ACACA: variants seen among roughly 807,000 people sequenced by gnomAD.
ACACA encodes the protein acetyl-CoA carboxylase alpha.
A neutral mutation model predicts 296.1 loss-of-function variants in ACACA; 103 were observed. The observed-to-expected ratio is 0.35, with a 90% confidence interval of 0.30 to 0.41. ACACA has a LOEUF of 0.41. ACACA is among the 10% of genes least tolerant of loss of function. The probability of loss-of-function intolerance (pLI) is 1.00; values close to 1 mark genes in which losing one functional copy is unlikely to be tolerated. For missense variants in ACACA, 1,554 were observed against 2,989.7 expected, an observed-to-expected ratio of 0.52 and a Z score of 11.20; for synonymous variants, 953 against 1,038.6, an observed-to-expected ratio of 0.92 and a Z score of 1.58.
chr17:37,181,411 C>G (rs1598090175), intron 39 of ACACA, 55 bp from the exon 40 acceptor site: 4 of 1,602,602 alleles, frequency 2.5e-6, no homozygotes, highest in Non-Finnish European at 3.4e-6. Context: ...AATCAGAGAG[C>G]TGCCTAGAGG....
At chr17:37,110,153 G>C (rs548471626) in intron 52 of ACACA, among the ~76,000 whole-genome samples, 2 of 152,234 alleles carry the variant, frequency 1.3e-5, no homozygotes, top group African/African-American at 4.8e-5. Flanking sequence ...CTGCAATTGC[G>C]GCATTGCTGC....
intron 52 of ACACA, among the ~76,000 whole-genome samples, chr17:37,104,022 C>T (rs191622282): frequency 6.6e-6 from 1 of 152,244 alleles, no homozygotes; most frequent in East Asian, 1.9e-4. Flanking sequence ...CAGCCTAGGT[C>T]AGGAGTGTCC....
intron 41 of ACACA, among the ~76,000 whole-genome samples, chr17:37,169,085 C>T (rs763308505): frequency 3.3e-5 from 5 of 152,158 alleles, no homozygotes; most frequent in Non-Finnish European, 7.4e-5. Flanking sequence ...GGTACTCATT[C>T]ACCCACTCCC....
intron 1 of ACACA, among the ~76,000 whole-genome samples, chr17:37,362,208 G>A (rs1369135425): frequency 6.6e-6 from 1 of 152,190 alleles, no homozygotes; most frequent in African/African-American, 2.4e-5. Context: ...ATGCATTTCT[G>A]TTGTTTAAGC....
At chr17:37,228,615 G>T (rs2079667698) in intron 25 of ACACA, among the ~76,000 whole-genome samples, 1 of 152,124 alleles carries the variant, frequency 6.6e-6, no homozygotes, top group African/African-American at 2.4e-5. Context: ...GGAAAGAATT[G>T]ACAGATAACA....
chr17:37,332,854 G>A (rs924956830), intron 2 of ACACA, among the ~76,000 whole-genome samples: 4 of 150,736 alleles, frequency 2.7e-5, no homozygotes, highest in African/African-American at 9.8e-5. Context: ...AGGTTGCAGT[G>A]AGCTGAGATC....
intron 2 of ACACA, 105 bp from the exon 3 acceptor site, chr17:37,330,530 A>G: frequency 6.9e-7 from 1 of 1,459,818 alleles, no homozygotes; most frequent in East Asian, 2.3e-5. Flanking sequence ...ACGTGGAAGC[A>G]AGGCAATTTG....
chr17:37,133,603 G>T (rs2075201753), intron 45 of ACACA, among the ~76,000 whole-genome samples: 1 of 152,116 alleles, frequency 6.6e-6, no homozygotes, highest in South Asian at 2.1e-4. Context: ...AGAAAAACCT[G>T]GGGTCAACAA....
chr17:37,377,698 T>C (rs188241893), intron 1 of ACACA, among the ~76,000 whole-genome samples: 84 of 139,454 alleles, frequency 6.0e-4, no homozygotes, highest in African/African-American at 2.2e-3. Flanking sequence ...AATAAATAAA[T>C]AAATAAAAGT....
intron 3 of ACACA, among the ~76,000 whole-genome samples, chr17:37,290,490 T>G (rs982679636): frequency 5.9e-5 from 9 of 152,176 alleles, no homozygotes; most frequent in African/African-American, 2.2e-4. Flanking sequence ...CTCGCAATAA[T>G]GCTATGATGT....
intron 11 of ACACA, among the ~76,000 whole-genome samples, chr17:37,262,576 T>C (rs533626928): frequency 9.9e-5 from 15 of 152,204 alleles, no homozygotes; most frequent in Admixed American, 2.0e-4. Flanking sequence ...AAATAACACA[T>C]AAATAAATAA....
intron 25 of ACACA, among the ~76,000 whole-genome samples, chr17:37,231,977 A>G (rs187528440): frequency 6.6e-6 from 1 of 152,346 alleles, no homozygotes; most frequent in East Asian, 1.9e-4. Context: ...ATTGTGTTAC[A>G]ATGTCCCTTT....
chr17:37,238,598 A>C (rs894514676), intron 24 of ACACA, among the ~76,000 whole-genome samples: 1 of 152,202 alleles, frequency 6.6e-6, no homozygotes, highest in Non-Finnish European at 1.5e-5. Flanking sequence ...TTTTATAATT[A>C]GCATTACAAA....
intron 2 of ACACA, among the ~76,000 whole-genome samples, chr17:37,332,607 C>CAA (rs35940399): frequency 2.0e-4 from 13 of 63,818 alleles, no homozygotes; most frequent in African/African-American, 3.5e-4. Flanking sequence ...CCCATCTGTA[C>CAA]AAAAAAAAAA....
At chr17:37,179,206 CTGGTACTAG>C in intron 41 of ACACA, 45 bp downstream of exon 41, 2 of 1,609,370 alleles carry the variant, frequency 1.2e-6, no homozygotes, top group Non-Finnish European at 1.7e-6. Flanking sequence ...TCACAGAAAG[CTGGTACTAG>C]TGGGCACAGA....
At chr17:37,231,312 C>T (rs950062965) in intron 25 of ACACA, among the ~76,000 whole-genome samples, 9 of 151,274 alleles carry the variant, frequency 5.9e-5, no homozygotes, top group Non-Finnish European at 1.0e-4. Flanking sequence ...CAATTCAAAA[C>T]GAAAAGAATG....
chr17:37,239,092 G>A (rs1018318047), intron 24 of ACACA, among the ~76,000 whole-genome samples: 1 of 152,084 alleles, frequency 6.6e-6, no homozygotes, highest in Non-Finnish European at 1.5e-5. Context: ...GCCTCCCAAA[G>A]TGCTAAGATG....
chr17:37,184,886 T>C (rs1005996316), intron 39 of ACACA, among the ~76,000 whole-genome samples: 15 of 149,296 alleles, frequency 1.0e-4, no homozygotes, highest in African/African-American at 2.9e-4. Context: ...CGGAATACTA[T>C]CCAAAAATGA....
At chr17:37,102,128 G>C (rs1224381003) in intron 52 of ACACA, among the ~76,000 whole-genome samples, 13 of 152,032 alleles carry the variant, frequency 8.6e-5, no homozygotes, top group Non-Finnish European at 1.8e-4. Flanking sequence ...CTTTATGCCA[G>C]GGTGTCTATT....
Sources: allele counts gnomAD v4.1 joint callset (sites outside exome capture counted in the v4.1 genomes callset), GRCh38; gene constraint gnomAD v4.1.1; transcripts MANE v1.5; gene names NCBI Gene and HGNC (gene_info 2026-07-23, HGNC 2026-07-21).